BTK: variants seen among roughly 807,000 people sequenced by gnomAD.
BTK encodes tyrosine-protein kinase BTK.
In BTK, 5 loss-of-function variants were observed where a neutral mutation model predicts 57.4. That is an observed-to-expected ratio of 0.09 (90% CI 0.05 to 0.18). BTK has a LOEUF of 0.18. Ranked by LOEUF, BTK falls within the 10% of genes least tolerant of loss-of-function variation. The pLI is 1.00. For missense variants in BTK, 194 were observed against 501.2 expected, an observed-to-expected ratio of 0.39 and a Z score of 5.85; for synonymous variants, 154 against 174.3, an observed-to-expected ratio of 0.88 and a Z score of 0.92.
intron 7 of BTK, 145 bp from the exon 8 acceptor site, chrX:101,360,900 C>T: frequency 1.7e-6 from 1 of 577,019 alleles, no homozygotes; most frequent in East Asian, 3.4e-5. Context: ...CATTTTTAAG[C>T]ACCAGTGCAG....
At position 101,362,682 on chromosome X, in the gene BTK, C is replaced by T; in HGVS notation, c.399G>A (p.Arg133=). 8.3e-7 allele frequency: 1 copy of T among 1,211,850 alleles called. No individual in the cohort carries two copies. Among genetic ancestry groups the T allele is most frequent in the Non-Finnish European group, 1.1e-6 (1 of 895,477 alleles). ...RWIHQLKNVI[R]YNSDLVQKYH... The stretch of plus-strand genomic sequence containing the variant: ...ATTTCTGAACCAGATCACTGTTGTA[C>T]CGGATTACTGTAGCAGGAAAGAAGA... The change falls in exon 6 of 19, where the codon CGG becomes CGA. Residue 133 remains arginine, a synonymous_variant. Coordinates refer to ENST00000308731, the MANE Select transcript of BTK (RefSeq NM_000061.3).
chrX:101,360,221 C>T (rs143457709), intron 8 of BTK, 71 bp from the exon 9 acceptor site: 5 of 756,525 alleles, frequency 6.6e-6, no homozygotes, highest in South Asian at 4.2e-5. Flanking sequence ...CATATGCCCA[C>T]GTCCCTGAGC....
rs988412906 is a variant in BTK at position 101,371,663 on chromosome X, T to C, written c.279A>G (p.Ser93=). 1 of 1,210,906 alleles carries C rather than the reference T, an allele frequency of 8.3e-7. No individual in the cohort carries two copies. Among genetic ancestry groups the C allele is most frequent in the East Asian group, 3.0e-5 (1 of 33,853 alleles). The change falls in exon 4 of 19, where the codon TCA becomes TCG. Residue 93 remains serine (S), a synonymous_variant. Transcript: ENST00000308731. The part of the protein sequence containing the change: ...GEESSEMEQI[S]IIERFPYPFQ... The stretch of plus-strand genomic sequence containing the variant: ...AGGGATAAGGGAACCTTTCAATGAT[T>C]GAAATTTGCTCCATTTCACTGGACT...
At position 101,356,904 on chromosome X, in the gene BTK, GT is replaced by G; in HGVS notation, c.1228del (p.Thr410LeufsTer6). The G allele has an allele frequency of 8.3e-7, 1 of 1,211,665 alleles. No individual in the cohort carries two copies. The highest frequency in any genetic ancestry group is 1.1e-6 in the Non-Finnish European group (1 of 895,428). On this transcript the variant is annotated frameshift_variant, in exon 14 of 19. Transcript: ENST00000308731. LOFTEE classifies it high-confidence loss of function. ...ATACTTCACTACCCCAAATTGTCCA[GT>G]CCCCAGCTCCTTCAAGAAGGTCAGG... ...KDLTFLKELG[T>X]GQFGVVKYGK...
intron 4 of BTK, among the ~76,000 whole-genome samples, chrX:101,371,075 T>G (rs928295347): frequency 6.2e-5 from 7 of 112,279 alleles, no homozygotes; most frequent in Non-Finnish European, 1.1e-4. Context: ...GCTGCTATAT[T>G]CACGACATGT....
At chrX:101,371,724 G>A in intron 3 of BTK, 23 bp from the exon 4 acceptor site, 1 of 1,156,552 alleles carries the variant, frequency 8.6e-7, no homozygotes, top group South Asian at 1.8e-5. Context: ...AAGAAAAAAT[G>A]GTTATTGGTT....
intron 5 of BTK, 170 bp from the exon 6 acceptor site, chrX:101,362,859 A>T: frequency 1.6e-6 from 1 of 629,651 alleles, no homozygotes; most frequent in Non-Finnish European, 2.6e-6. Context: ...GGCCTGCCTG[A>T]CTGTGCCCTG....
intron 7 of BTK, among the ~76,000 whole-genome samples, chrX:101,361,394 G>A (rs1926665072): frequency 9.1e-6 from 1 of 110,047 alleles, no homozygotes; most frequent in East Asian, 2.9e-4. Flanking sequence ...AAACTTGTAC[G>A]TGAATCTACT....
At chrX:101,365,198 G>A (rs191355918) in intron 5 of BTK, among the ~76,000 whole-genome samples, 24 of 111,484 alleles carry the variant, frequency 2.2e-4, no homozygotes, top group East Asian at 1.7e-3. Flanking sequence ...GCCCCTCCCC[G>A]CATGCCACTC....
chrX:101,373,970 G>A (rs925830120), intron 3 of BTK, among the ~76,000 whole-genome samples: 3 of 110,367 alleles, frequency 2.7e-5, no homozygotes, highest in Non-Finnish European at 3.8e-5. Flanking sequence ...GCTTGAACCC[G>A]GGAGGTGAAG....
chrX:101,364,241 T>C (rs1486076573), intron 5 of BTK, among the ~76,000 whole-genome samples: 1 of 107,183 alleles, frequency 9.3e-6, no homozygotes, highest in African/African-American at 3.4e-5. Flanking sequence ...AAACCCCGTC[T>C]CTACTAAAAA....
At chrX:101,367,561 G>A (rs912712361) in intron 5 of BTK, among the ~76,000 whole-genome samples, 3 of 108,528 alleles carry the variant, frequency 2.8e-5, no homozygotes, top group East Asian at 2.9e-4. Context: ...GCTTGAACTC[G>A]GGAGGCGGAG....
chrX:101,367,406 C>T (rs1439881607), intron 5 of BTK, among the ~76,000 whole-genome samples: 1 of 108,720 alleles, frequency 9.2e-6, no homozygotes, highest in East Asian at 2.9e-4. Flanking sequence ...GAGGCAGAGG[C>T]GGGTGGATCA....
intron 1 of BTK, among the ~76,000 whole-genome samples, chrX:101,384,818 A>C (rs1053334960): frequency 9.0e-6 from 1 of 111,553 alleles, no homozygotes; most frequent in Non-Finnish European, 1.9e-5. Flanking sequence ...ACATTATTTT[A>C]TCAAATAACT....
rs1926500586 is a variant in BTK at position 101,356,826 on chromosome X, G to A, written c.1307C>T (p.Ser436Phe). Residue 436 changes from serine (S) to phenylalanine (F), a missense_variant, in exon 14 of 19, where the codon TCC becomes TTC. Around this residue, in one of 3 missense-constraint regions of BTK, gnomAD observed 79 missense variants for 217.7 expected, o/e 0.36. Transcript: ENST00000308731. The stretch of plus-strand genomic sequence containing the variant: ...TTCAATGAATTCATCTTCAGACATG[G>A]AGCCTTCTTTGATCATCTTGATGGC... ...DVAIKMIKEG[S>F]MSEDEFIEEA... The A allele has an allele frequency of 4.1e-6, 5 of 1,209,842 alleles. No homozygotes were observed. The highest frequency in any genetic ancestry group is 4.5e-6 in the Non-Finnish European group (4 of 895,246).
intron 4 of BTK, among the ~76,000 whole-genome samples, 185 bp downstream of exon 4, chrX:101,371,448 G>A (rs1239963580): frequency 8.9e-6 from 1 of 112,001 alleles, no homozygotes; most frequent in Non-Finnish European, 1.9e-5. Flanking sequence ...AACTATGTTA[G>A]ATTAGGTAAA....
chrX:101,387,347 CTT>C (rs1195584019), upstream of BTK, among the ~76,000 whole-genome samples: 63 of 75,498 alleles, frequency 8.3e-4, no homozygotes, highest in African/African-American at 2.9e-3. Flanking sequence ...GCCCTGGGAC[CTT>C]TTTTTTTTTT....
intron 1 of BTK, among the ~76,000 whole-genome samples, chrX:101,378,703 T>C (rs941557594): frequency 9.0e-6 from 1 of 111,497 alleles, no homozygotes; most frequent in African/African-American, 3.3e-5. Flanking sequence ...GGGCCACCTT[T>C]TGCAGCCTCC....
chrX:101,358,743 C>CT (rs782441001), intron 10 of BTK, 47 bp from the exon 11 acceptor site: 2 of 1,031,649 alleles, frequency 1.9e-6, no homozygotes, highest in Non-Finnish European at 2.7e-6. Context: ...GTGGTGCTCA[C>CT]ACCTGCATCC....
Sources: gnomAD v4.1 joint callset for allele counts (sites outside exome capture counted in the v4.1 genomes callset) on GRCh38, gnomAD v4.1.1 for gene constraint, gnomAD v4.1.1 regional missense constraint, MANE v1.5 for transcripts, NCBI Gene and HGNC (gene_info 2026-07-23, HGNC 2026-07-21) for gene names.